VPS13B: variants seen among roughly 807,000 people sequenced by gnomAD.
The protein encoded by VPS13B is vacuolar protein sorting 13 homolog B, also known as intermembrane lipid transfer protein VPS13B.
A neutral mutation model predicts 426.4 loss-of-function variants in VPS13B; 285 were observed. The ratio of observed to expected loss-of-function variants is 0.67; its 90% CI spans 0.61 to 0.74. The LOEUF (loss-of-function observed/expected upper bound fraction) is 0.74, where lower values mean the gene tolerates loss of function less well. Among genes scored for constraint, VPS13B ranks in the 30% least tolerant of loss-of-function variants. The probability of loss-of-function intolerance (pLI) is 0.00; values close to 1 mark genes in which losing one functional copy is unlikely to be tolerated. For synonymous variants in VPS13B, 1,676 were observed against 1,676.4 expected (o/e 1.00, Z 0.01); for missense variants, 4,537 against 4,782.6 (o/e 0.95, Z 1.51).
At chr8:99,821,105 C>T (rs1364674959) in intron 49 of VPS13B, among the ~76,000 whole-genome samples, 189 bp from the exon 50 acceptor site, 3 of 10,878 alleles carry the variant, frequency 2.8e-4, no homozygotes. Context: ...CATTACAAAA[C>T]ACACACACAC....
rs186297174 is a variant in VPS13B, at chr8:99,067,408, C to T, written c.291+28842C>T. Among the ~76,000 whole-genome samples the T allele has an allele frequency of 3.8e-3, 575 of 152,240 alleles. 2 individuals are homozygous for T. The highest frequency in any genetic ancestry group is 0.013 in the African/African-American group (549 of 41,538). ...CGTCACAAGGATAGAAAACCAAACA[C>T]CGCATGATCTCACTCATAGGTGGGA... is the stretch of plus-strand genomic sequence containing the variant. On this transcript the variant is annotated intron_variant, in intron 3 of 61. Transcript: ENST00000357162.
At chr8:99,013,491 A>G (rs1841430307) in intron 1 of VPS13B, 144 bp downstream of exon 1, 3 of 414,796 alleles carry the variant, frequency 7.2e-6, no homozygotes, top group Non-Finnish European at 1.4e-5. Flanking sequence ...CTGCGGCCGA[A>G]GGGGAGCCCG....
intron 25 of VPS13B, among the ~76,000 whole-genome samples, chr8:99,486,533 G>A (rs1820320931): frequency 6.6e-6 from 1 of 152,150 alleles, no homozygotes; most frequent in Non-Finnish European, 1.5e-5. Flanking sequence ...ATTTTATCAT[G>A]CCACCACTTT....
At chr8:99,355,980 A>C (rs1246696840) in intron 19 of VPS13B, among the ~76,000 whole-genome samples, 1 of 152,160 alleles carries the variant, frequency 6.6e-6, no homozygotes, top group East Asian at 1.9e-4. Flanking sequence ...TGAGTGAATG[A>C]ACCACTGCCC....
intron 19 of VPS13B, among the ~76,000 whole-genome samples, chr8:99,338,280 TGAA>T (rs1333910788): frequency 6.6e-6 from 1 of 152,170 alleles, no homozygotes; most frequent in African/African-American, 2.4e-5. Flanking sequence ...TAGATAATCT[TGAA>T]GAACAAAATG....
At chr8:99,441,950 A>C (rs1817700444) in intron 22 of VPS13B, among the ~76,000 whole-genome samples, 1 of 152,136 alleles carries the variant, frequency 6.6e-6, no homozygotes, top group South Asian at 2.1e-4. Flanking sequence ...TGAATGTTTT[A>C]AACAATGTTT....
At chr8:99,507,636 C>T in intron 28 of VPS13B, 3 of 1,336,142 alleles carry the variant, frequency 2.2e-6, no homozygotes, top group Non-Finnish European at 3.1e-6. Flanking sequence ...AGGCAGAGGC[C>T]ATACCTAGCG....
chr8:99,298,511 TAAATA>T (rs1025034776), intron 19 of VPS13B, among the ~76,000 whole-genome samples: 6 of 151,992 alleles, frequency 3.9e-5, no homozygotes, highest in Non-Finnish European at 5.9e-5. Context: ...ATTAATTAAT[TAAATA>T]AAATAAAAAT....
intron 19 of VPS13B, among the ~76,000 whole-genome samples, chr8:99,382,520 T>C (rs1365059364): frequency 6.6e-6 from 1 of 152,170 alleles, no homozygotes; most frequent in East Asian, 1.9e-4. Flanking sequence ...GTTCTCATTG[T>C]AGGGATCTTT....
intron 2 of VPS13B, among the ~76,000 whole-genome samples, chr8:99,029,522 G>T (rs988353405): frequency 1.3e-5 from 2 of 152,120 alleles, no homozygotes; most frequent in African/African-American, 4.8e-5. Flanking sequence ...CTGCAATCCC[G>T]GCACCTTGGG....
Position 99,123,207 on chromosome 8 carries a change from T to C in VPS13B, c.1206+1762T>C, listed in dbSNP as rs7828433. Among the ~76,000 whole-genome samples, 328 of 151,562 alleles carry C rather than the reference T, an allele frequency of 2.2e-3. 2 individuals are homozygous for C. Among genetic ancestry groups the C allele is most frequent in the African/African-American group, 7.8e-3 (321 of 41,266 alleles). On this transcript the variant is annotated intron_variant, in intron 8 of 61. Transcript: ENST00000357162. ...AGTGCTTTCACCAGAGGGGATATTA[T>C]GCAGTTTAAAATGGGATGATCAGGG...
intron 36 of VPS13B, among the ~76,000 whole-genome samples, chr8:99,700,146 C>T (rs772176986): frequency 6.6e-6 from 1 of 152,208 alleles, no homozygotes; most frequent in Non-Finnish European, 1.5e-5. Context: ...TTCCTGTCCT[C>T]TTGAGGCATG....
chr8:99,338,676 C>T (rs1466885856), intron 19 of VPS13B, among the ~76,000 whole-genome samples: 2 of 152,052 alleles, frequency 1.3e-5, no homozygotes, highest in Admixed American at 6.6e-5. Flanking sequence ...CCTTATGTTG[C>T]TTATACATGG....
At chr8:99,858,991 C>T (rs1816695221) in intron 56 of VPS13B, among the ~76,000 whole-genome samples, 1 of 152,128 alleles carries the variant, frequency 6.6e-6, no homozygotes, top group African/African-American at 2.4e-5. Flanking sequence ...CGCCCTTCCT[C>T]AGGTGGTAGC....
chr8:99,364,589 T>C (rs529862797), intron 19 of VPS13B, among the ~76,000 whole-genome samples: 2 of 152,154 alleles, frequency 1.3e-5, no homozygotes, highest in Non-Finnish European at 2.9e-5. Flanking sequence ...TGTGCTACCA[T>C]GCACAACTAA....
chr8:99,745,925 A>G (rs1810061460), intron 39 of VPS13B, among the ~76,000 whole-genome samples: 1 of 151,998 alleles, frequency 6.6e-6, no homozygotes, highest in Non-Finnish European at 1.5e-5. Context: ...TTTTTCCCCT[A>G]TTGTCTCACA....
intron 31 of VPS13B, among the ~76,000 whole-genome samples, chr8:99,561,622 A>G (rs938357257): frequency 3.3e-5 from 5 of 152,164 alleles, no homozygotes. Flanking sequence ...TTTCTGTTAG[A>G]TGATTTTGCC....
intron 31 of VPS13B, among the ~76,000 whole-genome samples, chr8:99,572,456 C>T (rs915847075): frequency 6.8e-6 from 1 of 146,418 alleles, no homozygotes; most frequent in Non-Finnish European, 1.5e-5. Context: ...GCTTTCCCTC[C>T]CCCCACCCCA....
At chr8:99,164,122 C>T (rs982218314) in intron 15 of VPS13B, among the ~76,000 whole-genome samples, 6 of 152,174 alleles carry the variant, frequency 3.9e-5, no homozygotes, top group African/African-American at 1.4e-4. Flanking sequence ...TGGGTCGGTC[C>T]AGGGGTCCCG....
Sources: gnomAD v4.1 joint callset for allele counts (sites outside exome capture counted in the v4.1 genomes callset) on GRCh38, gnomAD v4.1.1 for gene constraint, MANE v1.5 for transcripts, NCBI Gene and HGNC (gene_info 2026-07-23, HGNC 2026-07-21) for gene names.